Variants in GRM1 observed in about 807,000 individuals in gnomAD.
GRM1 encodes the protein glutamate metabotropic receptor 1, also known as metabotropic glutamate receptor 1.
A neutral mutation model predicts 90.9 loss-of-function variants in GRM1; 33 were observed. That is an observed-to-expected ratio of 0.36 (90% CI 0.28 to 0.49). GRM1 has a LOEUF of 0.49. GRM1 is among the 20% of genes least tolerant of loss of function. The pLI is 0.99. For synonymous variants in GRM1, 700 were observed against 613.2 expected, an observed-to-expected ratio of 1.14 and a Z score of -2.09; for missense variants, 1,190 against 1,534.3, an observed-to-expected ratio of 0.78 and a Z score of 3.75.
chr6:146,333,204 T>C (rs995128273), intron 3 of GRM1, among the ~76,000 whole-genome samples: 9 of 152,164 alleles, frequency 5.9e-5, no homozygotes, highest in African/African-American at 1.9e-4. Flanking sequence ...AGGATTCAGC[T>C]GGCATGAGGC....
chr6:146,197,454 T>C (rs1431965316), intron 2 of GRM1, among the ~76,000 whole-genome samples: 1 of 152,158 alleles, frequency 6.6e-6, no homozygotes, highest in African/African-American at 2.4e-5. Flanking sequence ...TGGGATAAGA[T>C]CCCTGAAAAC....
intron 2 of GRM1, among the ~76,000 whole-genome samples, chr6:146,191,036 TTC>T (rs1778920381): frequency 6.6e-6 from 1 of 152,076 alleles, no homozygotes; most frequent in Non-Finnish European, 1.5e-5. Context: ...GCACTTGCCA[TTC>T]TCTCTCTCTC....
chr6:146,098,621 C>G (rs1449790142), intron 1 of GRM1, among the ~76,000 whole-genome samples: 2 of 151,710 alleles, frequency 1.3e-5, no homozygotes, highest in Admixed American at 1.3e-4. Flanking sequence ...AATCTTACCA[C>G]CTGATATGGT....
chr6:146,298,212 A>G (rs4895695), intron 2 of GRM1, among the ~76,000 whole-genome samples: 14,041 of 152,176 alleles, frequency 0.092, 1,697 homozygotes, highest in African/African-American at 0.28. Flanking sequence ...CCCTTTTCAC[A>G]TATGACTTTA....
chr6:146,318,320 G>A (rs1288817661), intron 3 of GRM1, among the ~76,000 whole-genome samples: 2 of 152,114 alleles, frequency 1.3e-5, no homozygotes, highest in Non-Finnish European at 2.9e-5. Context: ...TCCCTGCAAA[G>A]GACATGAACT....
In GRM1 at chr6:146,402,295, T is replaced by A. The variant is rs145618332; in HGVS notation, c.2660+2596T>A. The stretch of plus-strand genomic sequence containing the variant: ...CAGAGAGGGTATTTGAGGCTAACCT[T>A]CTACGGAAAACAATCATCTGTTTAC... On this transcript the variant is annotated intron_variant, in intron 7 of 7. Transcript: ENST00000282753. 5.2e-3 allele frequency among the ~76,000 whole-genome samples: 785 copies of A among 152,268 alleles called. 3 individuals carry two copies. Among genetic ancestry groups the A allele is most frequent in the Non-Finnish European group, 8.6e-3 (582 of 68,008 alleles).
chr6:146,216,773 A>G (rs903568676), intron 2 of GRM1, among the ~76,000 whole-genome samples: 6 of 152,178 alleles, frequency 3.9e-5, no homozygotes, highest in Non-Finnish European at 8.8e-5. Flanking sequence ...TCACTCAATA[A>G]ATTGTTGAGA....
In GRM1 at chr6:146,308,656, C is replaced by T. The variant is rs572506997; in HGVS notation, c.1186+3810C>T. On this transcript the variant is annotated intron_variant, in intron 3 of 7. Coordinates refer to ENST00000282753, the MANE Select transcript of GRM1 (RefSeq NM_001278064.2). ...TTTTTTTCTGATGATGAAAGTAATACGTGCTTAATATGCTATTGCATGCAC... is the reference window on the plus strand; with the variant it reads ...TTTTTTTCTGATGATGAAAGTAATATGTGCTTAATATGCTATTGCATGCAC... Among the ~76,000 whole-genome samples the T allele has an allele frequency of 4.0e-4, 61 of 152,172 alleles. No individual in the cohort carries two copies. The South Asian group carries it at 6.2e-3, about 16-fold the overall frequency.
intron 7 of GRM1, among the ~76,000 whole-genome samples, chr6:146,428,641 C>T (rs550670245): frequency 4.1e-4 from 63 of 152,154 alleles, no homozygotes; most frequent in African/African-American, 1.3e-3. Flanking sequence ...TTAAAGGGAG[C>T]GTAATTTAAG....
At chr6:146,397,138 T>C (rs569634701) in intron 6 of GRM1, among the ~76,000 whole-genome samples, 1 of 152,014 alleles carries the variant, frequency 6.6e-6, no homozygotes, top group Non-Finnish European at 1.5e-5. Context: ...TGGTGAAGCC[T>C]CTAGAAATAT....
intron 5 of GRM1, among the ~76,000 whole-genome samples, chr6:146,360,432 C>T (rs1002212535): frequency 1.3e-5 from 2 of 151,920 alleles, no homozygotes; most frequent in Admixed American, 1.3e-4. Context: ...ACCTTAGGGT[C>T]CACTCAGGAA....
At chr6:146,122,984 A>G (rs1776053365) in intron 1 of GRM1, among the ~76,000 whole-genome samples, 1 of 151,060 alleles carries the variant, frequency 6.6e-6, no homozygotes, top group South Asian at 2.1e-4. Context: ...AGCTGGGATT[A>G]CAGGTGCACA....
intron 5 of GRM1, among the ~76,000 whole-genome samples, chr6:146,381,082 G>A (rs1324694372): frequency 6.6e-6 from 1 of 152,132 alleles, no homozygotes; most frequent in Non-Finnish European, 1.5e-5. Flanking sequence ...TGTACAGGCT[G>A]GGGTTAGGGG....
At chr6:146,083,908 A>G (rs1211211997) in intron 1 of GRM1, among the ~76,000 whole-genome samples, 2 of 152,184 alleles carry the variant, frequency 1.3e-5, no homozygotes, top group African/African-American at 2.4e-5. Flanking sequence ...CCTCAATTTC[A>G]GAACTTGTTA....
chr6:146,041,931 A>G (rs1433914342), intron 1 of GRM1, among the ~76,000 whole-genome samples: 3 of 152,072 alleles, frequency 2.0e-5, no homozygotes, highest in Non-Finnish European at 4.4e-5. Context: ...AGGCACCACA[A>G]GTTTGGTGTC....
At position 146,247,520 on chromosome 6, in the gene GRM1, G is replaced by A. The variant is rs546951209; in HGVS notation, c.951-57091G>A. Among the ~76,000 whole-genome samples the A allele has an allele frequency of 9.2e-5, 14 of 152,058 alleles. No homozygotes were observed. In the South Asian group the frequency reaches 1.9e-3, roughly 20 times the overall value. On this transcript the variant is annotated intron_variant, in intron 2 of 7. Transcript: ENST00000282753. ...TCCCAGCACTTTGGGAGGCTGAGGC[G>A]AGTGGATCACTTGAGGTAAGGAGTT...
intron 1 of GRM1, among the ~76,000 whole-genome samples, chr6:146,084,793 G>A (rs1018611545): frequency 6.6e-6 from 1 of 152,160 alleles, no homozygotes; most frequent in African/African-American, 2.4e-5. Context: ...GAATGTCCTT[G>A]TTAATTTTCT....
intron 1 of GRM1, among the ~76,000 whole-genome samples, chr6:146,083,071 T>C (rs1483048590): frequency 2.0e-5 from 3 of 152,184 alleles, no homozygotes; most frequent in Non-Finnish European, 4.4e-5. Flanking sequence ...GCTTGTGGTT[T>C]TTGCACATTG....
intron 2 of GRM1, among the ~76,000 whole-genome samples, chr6:146,255,461 A>G (rs1372389519): frequency 6.6e-6 from 1 of 152,054 alleles, no homozygotes; most frequent in Non-Finnish European, 1.5e-5. Flanking sequence ...TCTCTCTTCA[A>G]ACCTTTAGTG....
Sources: gnomAD v4.1 joint callset for allele counts (sites outside exome capture counted in the v4.1 genomes callset) on GRCh38, gnomAD v4.1.1 for gene constraint, MANE v1.5 for transcripts, NCBI Gene and HGNC (gene_info 2026-07-23, HGNC 2026-07-21) for gene names.